SMIM35: variants seen among roughly 807,000 people sequenced by gnomAD.
SMIM35 encodes small integral membrane protein 35.
intron 1 of SMIM35, among the ~76,000 whole-genome samples, chr11:118,021,968 G>T (rs771163927): frequency 6.6e-6 from 1 of 150,500 alleles, no homozygotes; most frequent in Non-Finnish European, 1.5e-5. Context: ...AATACACATT[G>T]TTCTCAAGTA....
intron 1 of SMIM35, among the ~76,000 whole-genome samples, chr11:118,058,681 G>T (rs1944351704): frequency 6.6e-6 from 1 of 152,162 alleles, no homozygotes; most frequent in South Asian, 2.1e-4. Context: ...CAAAAACCCA[G>T]GGCACCCATC....
intron 1 of SMIM35, among the ~76,000 whole-genome samples, chr11:118,056,835 G>A (rs4938473): frequency 0.29 from 44,533 of 152,126 alleles, 6,763 homozygotes; most frequent in Non-Finnish European, 0.33. Flanking sequence ...TGCAGAAGTA[G>A]CAACGGAGGT....
In SMIM35 at chr11:118,004,855, G is replaced by A. The variant is rs944673601; in HGVS notation, c.*1555C>T. 2 of 152,178 alleles carry A rather than the reference G, an allele frequency of 1.3e-5. No homozygotes were observed. The highest frequency in any genetic ancestry group is 1.3e-4 in the Admixed American group (2 of 15,282). The allele number at this position is 152,178 out of a possible 1,614,324, so 9.4% of individuals were successfully genotyped here. A position where few individuals can be genotyped will look rare whatever the true frequency, so the allele number is the denominator to read the frequency against. On this transcript the variant is annotated 3_prime_UTR_variant, in exon 5 of 5. Coordinates refer to ENST00000689828, the MANE Select transcript of SMIM35 (RefSeq NM_001394165.1). Reference sequence around the variant, plus strand: ...TTGGTCAATCACAGCCCATCATCAAGGGTGCAGCTGAGGGCTCCCTTTAGT... The same window carrying A: ...TTGGTCAATCACAGCCCATCATCAAAGGTGCAGCTGAGGGCTCCCTTTAGT...
intron 1 of SMIM35, among the ~76,000 whole-genome samples, chr11:118,046,360 G>A (rs1451672498): frequency 6.6e-6 from 1 of 152,174 alleles, no homozygotes; most frequent in Non-Finnish European, 1.5e-5. Flanking sequence ...AGATGGATGT[G>A]TGATCTCCTA....
intron 1 of SMIM35, among the ~76,000 whole-genome samples, chr11:118,018,281 G>A (rs867914044): frequency 6.6e-6 from 1 of 152,162 alleles, no homozygotes; most frequent in African/African-American, 2.4e-5. Flanking sequence ...AGGACTTGGA[G>A]CAGATAAAGG....
At chr11:118,040,044 CAA>C (rs35273108) in intron 1 of SMIM35, among the ~76,000 whole-genome samples, 6,479 of 102,126 alleles carry the variant, frequency 0.063, 199 homozygotes, top group South Asian at 0.14. Context: ...GACCTTATCT[CAA>C]AAAAAAAAAA....
chr11:118,083,501 T>C (rs1441838212), intron 1 of SMIM35, among the ~76,000 whole-genome samples: 3 of 152,212 alleles, frequency 2.0e-5, no homozygotes, highest in Admixed American at 2.0e-4. Flanking sequence ...GCTCAGTTCC[T>C]ATTACATACA....
At chr11:118,080,040 A>G (rs372952039) in intron 1 of SMIM35, among the ~76,000 whole-genome samples, 67 of 152,228 alleles carry the variant, frequency 4.4e-4, no homozygotes, top group African/African-American at 1.6e-3. Context: ...GCCAGACACC[A>G]TTTAATCAGC....
At chr11:118,031,772 G>A (rs2058322169) in intron 1 of SMIM35, 1 of 151,904 alleles carries the variant, frequency 6.6e-6, no homozygotes, top group Admixed American at 6.6e-5. Context: ...CCTTAATCAA[G>A]TGACCAGAGT....
chr11:118,045,330 G>A (rs866792751), intron 1 of SMIM35, among the ~76,000 whole-genome samples: 1 of 146,014 alleles, frequency 6.8e-6, no homozygotes. Flanking sequence ...ATACACACAT[G>A]CACACACACA....
At chr11:118,067,746 C>T (rs1387820137) in intron 1 of SMIM35, among the ~76,000 whole-genome samples, 13 of 150,738 alleles carry the variant, frequency 8.6e-5, no homozygotes, top group Admixed American at 3.3e-4. Flanking sequence ...GTGGGAGAAT[C>T]GCTTGAACCC....
intron 1 of SMIM35, among the ~76,000 whole-genome samples, chr11:118,069,832 C>T (rs186479025): frequency 4.6e-5 from 7 of 152,110 alleles, no homozygotes; most frequent in Non-Finnish European, 1.0e-4. Flanking sequence ...AAAGCCGAGG[C>T]GGGTGGATCA....
In SMIM35 at chr11:118,049,339, A is replaced by ATTTT. The variant is rs398017739; in HGVS notation, c.8-33534_8-33531dup. 7.3e-4 allele frequency among the ~76,000 whole-genome samples: 61 copies of ATTTT among 83,998 alleles called. 2 individuals carry two copies. Among genetic ancestry groups the ATTTT allele is most frequent in the African/African-American group, 2.4e-3 (49 of 20,044 alleles). 55.1% of individuals were successfully genotyped at this position (83,998 alleles called of 152,430 possible). The stretch of plus-strand genomic sequence containing the variant: ...TTCTCGCATGTTTGTTCCACCCTTA[A>ATTTT]TTTTTTTTTTTTTTTTTTTTTTTTT... On this transcript the variant is annotated intron_variant, in intron 1 of 4. Transcript: ENST00000689828.
intron 1 of SMIM35, among the ~76,000 whole-genome samples, chr11:118,045,204 C>A (rs1313307685): frequency 6.6e-6 from 1 of 152,154 alleles, no homozygotes; most frequent in Non-Finnish European, 1.5e-5. Flanking sequence ...CTACACTTTT[C>A]TCCAGCTGGA....
intron 1 of SMIM35, among the ~76,000 whole-genome samples, chr11:118,081,929 ACACT>A (rs1207754585): frequency 1.3e-5 from 2 of 152,134 alleles, no homozygotes; most frequent in East Asian, 1.9e-4. Context: ...ACAAAGCCTG[ACACT>A]CACTCACTCA....
intron 1 of SMIM35, chr11:118,030,005 T>C (rs2058305180): frequency 8.7e-6 from 3 of 343,290 alleles, no homozygotes; most frequent in South Asian, 4.5e-5. Flanking sequence ...TGCAGAAATA[T>C]GAAAATATCT....
intron 1 of SMIM35, among the ~76,000 whole-genome samples, chr11:118,066,002 C>T (rs1459551696): frequency 6.6e-6 from 1 of 152,084 alleles, no homozygotes; most frequent in African/African-American, 2.4e-5. Flanking sequence ...GACCATGACC[C>T]AGCCCGCTCG....
intron 1 of SMIM35, among the ~76,000 whole-genome samples, chr11:118,072,525 A>G (rs901425581): frequency 2.6e-5 from 4 of 152,174 alleles, no homozygotes; most frequent in Non-Finnish European, 5.9e-5. Flanking sequence ...ATCATCCTAC[A>G]AATTACTGTA....
At chr11:118,042,723 T>C (rs916454714) in intron 1 of SMIM35, among the ~76,000 whole-genome samples, 1 of 152,202 alleles carries the variant, frequency 6.6e-6, no homozygotes, top group African/African-American at 2.4e-5. Flanking sequence ...TTAGGAATGA[T>C]TGTATGTGGA....
Sources: gnomAD v4.1 joint callset for allele counts (sites outside exome capture counted in the v4.1 genomes callset) on GRCh38, gnomAD v4.1.1 for gene constraint, MANE v1.5 for transcripts, NCBI Gene and HGNC (gene_info 2026-07-23, HGNC 2026-07-21) for gene names.